Variants in STIM1 observed in about 807,000 individuals in gnomAD.
STIM1 encodes the protein stromal interaction molecule 1.
A neutral mutation model predicts 74.7 loss-of-function variants in STIM1; 25 were observed. The observed-to-expected ratio is 0.33, with a 90% CI of 0.24 to 0.47. The LOEUF (loss-of-function observed/expected upper bound fraction) is 0.47, where lower values mean the gene tolerates loss of function less well. Among genes scored for constraint, STIM1 ranks in the 20% least tolerant of loss-of-function variants. The pLI, the probability that STIM1 is intolerant of heterozygous loss-of-function variation, is 1.00. For synonymous variants in STIM1, 328 were observed against 348.8 expected, an observed-to-expected ratio of 0.94 and a Z score of 0.66; for missense variants, 728 against 920.8, an observed-to-expected ratio of 0.79 and a Z score of 2.71.
At chr11:4,009,563 A>G (rs569382690) in intron 2 of STIM1, among the ~76,000 whole-genome samples, 6 of 151,858 alleles carry the variant, frequency 4.0e-5, no homozygotes, top group African/African-American at 9.6e-5. Context: ...AGCTGAGATC[A>G]TGCCACTGCA....
chr11:4,003,843 T>C (rs1050385994), intron 2 of STIM1, among the ~76,000 whole-genome samples: 2 of 152,094 alleles, frequency 1.3e-5, no homozygotes, highest in Admixed American at 6.6e-5. Flanking sequence ...AAAACCCCAT[T>C]GTCTCAGCCC....
intron 6 of STIM1, among the ~76,000 whole-genome samples, chr11:4,070,951 G>A (rs1205797315): frequency 6.6e-6 from 1 of 152,184 alleles, no homozygotes; most frequent in Non-Finnish European, 1.5e-5. Flanking sequence ...AGAAGCAGCA[G>A]TGAGAGCACA....
chr11:4,023,021 G>T (rs1215515352), intron 2 of STIM1, among the ~76,000 whole-genome samples: 2 of 152,188 alleles, frequency 1.3e-5, no homozygotes, highest in Admixed American at 6.5e-5. Context: ...CAAACAATTT[G>T]TGGACATGTT....
chr11:4,026,461 G>A (rs2093998462), intron 3 of STIM1, among the ~76,000 whole-genome samples: 1 of 152,168 alleles, frequency 6.6e-6, no homozygotes, highest in African/African-American at 2.4e-5. Flanking sequence ...GAAACCATAT[G>A]AAGTATAGAT....
chr11:3,929,031 G>A (rs909827349), intron 1 of STIM1, among the ~76,000 whole-genome samples: 11 of 152,094 alleles, frequency 7.2e-5, no homozygotes, highest in African/African-American at 2.2e-4. Flanking sequence ...GTGCCACAAC[G>A]CCCAGGACAG....
chr11:3,944,814 C>G (rs1217159058), intron 1 of STIM1, among the ~76,000 whole-genome samples: 1 of 152,204 alleles, frequency 6.6e-6, no homozygotes, highest in Non-Finnish European at 1.5e-5. Context: ...TGTAGTGACT[C>G]TGGTCATCAT....
chr11:4,028,851 T>A (rs888759187), intron 3 of STIM1, among the ~76,000 whole-genome samples: 2 of 152,158 alleles, frequency 1.3e-5, no homozygotes, highest in African/African-American at 4.8e-5. Context: ...TTTGCCATAG[T>A]AGTTGTTTCC....
At chr11:4,031,116 A>G (rs1169684151) in intron 3 of STIM1, among the ~76,000 whole-genome samples, 2 of 152,194 alleles carry the variant, frequency 1.3e-5, no homozygotes, top group East Asian at 3.8e-4. Flanking sequence ...TGCATTTGCT[A>G]CAGTTTTATG....
chr11:4,018,315 G>A lies in STIM1; in HGVS notation c.271-5558G>A, dbSNP rs867478741. Among the ~76,000 whole-genome samples, 217 of 150,420 alleles carry A rather than the reference G, an allele frequency of 1.4e-3. 1 individual carries two copies. The highest frequency in any genetic ancestry group is 3.4e-3 in the Middle Eastern group (1 of 292). ...ATACAAAAAAAAATTAGCCGGGCGC[G>A]GTGGCGGGCGCCTGTAGTCCCAGCT... On this transcript the variant is annotated intron_variant, in intron 2 of 12. Coordinates refer to ENST00000526596, the MANE Select transcript of STIM1 (RefSeq NM_001382567.1).
chr11:3,977,289 G>A (rs1437651306), intron 2 of STIM1, among the ~76,000 whole-genome samples: 1 of 152,122 alleles, frequency 6.6e-6, no homozygotes. Context: ...GGGAGTCTTA[G>A]CAAGGGTGTG....
intron 1 of STIM1, among the ~76,000 whole-genome samples, chr11:3,965,375 T>G (rs1355556481): frequency 3.9e-5 from 6 of 152,232 alleles, no homozygotes; most frequent in African/African-American, 7.2e-5. Flanking sequence ...CTCCCACTTT[T>G]GTAATTAGCC....
chr11:4,038,530 G>A (rs1272952017), intron 3 of STIM1, among the ~76,000 whole-genome samples: 1 of 152,110 alleles, frequency 6.6e-6, no homozygotes, highest in African/African-American at 2.4e-5. Context: ...TGGGGCAATT[G>A]TATAACTTCC....
chr11:4,091,637 A>C lies in STIM1; in HGVS notation c.1990A>C (p.Ser664Arg). The C allele has an allele frequency of 1.2e-6, 2 of 1,614,196 alleles. No homozygotes were observed. ...AGACACACCATCTCCAGTTGGGGAC[A>C]GCCGAGCCCTGCAAGCCAGCCGAAA... is the stretch of plus-strand genomic sequence containing the variant. ...DPDTPSPVGD[S>R]RALQASRNTR... The change falls in exon 13 of 13, where the codon AGC (serine) becomes CGC (arginine). Residue 664 changes from serine to arginine, a missense_variant. Ser to Arg is a moderately radical substitution (Grantham distance 110). Around this residue, in one of 5 missense-constraint regions of STIM1, gnomAD observed 352 missense variants for 370.1 expected, o/e 0.95. Coordinates refer to ENST00000526596, the MANE Select transcript of STIM1 (RefSeq NM_001382567.1).
At chr11:3,887,448 G>T (rs1374290978) in intron 1 of STIM1, among the ~76,000 whole-genome samples, 6 of 152,158 alleles carry the variant, frequency 3.9e-5, no homozygotes, top group Non-Finnish European at 8.8e-5. Context: ...AATGGCATGG[G>T]TCAAGGTATG....
chr11:4,081,608 C>T (rs1246540623), intron 7 of STIM1, among the ~76,000 whole-genome samples: 1 of 152,216 alleles, frequency 6.6e-6, no homozygotes, highest in Non-Finnish European at 1.5e-5. Flanking sequence ...TCACATAACT[C>T]CCATGACAGG....
intron 1 of STIM1, among the ~76,000 whole-genome samples, chr11:3,963,182 C>T (rs1044073802): frequency 2.0e-5 from 3 of 152,190 alleles, no homozygotes; most frequent in African/African-American, 7.2e-5. Context: ...TATTTCATCA[C>T]CCAGGTATTA....
chr11:4,059,551 A>G lies in STIM1; in HGVS notation c.613+155A>G, dbSNP rs544049344. On this transcript the variant is annotated intron_variant, in intron 5 of 12. Transcript: ENST00000526596. Reference sequence around the variant, plus strand: ...GTATTAAGGTATGAAAGAGTCTTACATTTTAGTCCAGACACGTAGCAACAT... The same window carrying G: ...GTATTAAGGTATGAAAGAGTCTTACGTTTTAGTCCAGACACGTAGCAACAT... 132 of 652,514 alleles carry G rather than the reference A, an allele frequency of 2.0e-4. 1 individual carries two copies. The African/African-American group carries it at 2.3e-3, about 11-fold the overall frequency. 40.4% of individuals were successfully genotyped at this position (652,514 alleles called of 1,614,324 possible).
At chr11:4,083,698 G>T (rs544532907) in intron 10 of STIM1, 200 bp downstream of exon 10, 2 of 618,784 alleles carry the variant, frequency 3.2e-6, no homozygotes, top group East Asian at 5.6e-5. Flanking sequence ...CTTGTTGTAT[G>T]CTCTGTGTGC....
At chr11:4,048,122 G>C (rs1448107083) in intron 3 of STIM1, among the ~76,000 whole-genome samples, 3 of 152,070 alleles carry the variant, frequency 2.0e-5, no homozygotes, top group Non-Finnish European at 4.4e-5. Flanking sequence ...GCCTGGCCAA[G>C]ACCTGTGTCT....
Sources: allele counts gnomAD v4.1 joint callset (sites outside exome capture counted in the v4.1 genomes callset), GRCh38; gene constraint gnomAD v4.1.1; regional missense constraint gnomAD v4.1.1; transcripts MANE v1.5; gene names NCBI Gene and HGNC (gene_info 2026-07-23, HGNC 2026-07-21).